Variants in CSNK1G3 observed in about 807,000 individuals in gnomAD.
CSNK1G3 encodes casein kinase I isoform gamma-3.
CSNK1G3 carries 23 observed loss-of-function variants against 64.3 expected under a neutral mutation model. That is an observed-to-expected ratio of 0.36 (90% confidence interval 0.26 to 0.51). CSNK1G3 has a LOEUF of 0.51. Ranked by LOEUF, CSNK1G3 falls within the 20% of genes least tolerant of loss-of-function variation. The pLI is 0.96. For missense variants in CSNK1G3, 357 were observed against 510.5 expected, an observed-to-expected ratio of 0.70 and a Z score of 2.90; for synonymous variants, 158 against 162.2, an observed-to-expected ratio of 0.97 and a Z score of 0.20.
intron 4 of CSNK1G3, among the ~76,000 whole-genome samples, chr5:123,572,476 A>C (rs574014849): frequency 1.3e-5 from 2 of 152,136 alleles, no homozygotes; most frequent in Admixed American, 6.5e-5. Flanking sequence ...TTATTATCTC[A>C]CAATTTCTAT....
At chr5:123,583,768 C>T (rs1790799236) in intron 6 of CSNK1G3, among the ~76,000 whole-genome samples, 2 of 152,132 alleles carry the variant, frequency 1.3e-5, no homozygotes, top group Non-Finnish European at 2.9e-5. Context: ...CATTGTCATC[C>T]TCCTAGGCTC....
At chr5:123,615,530 A>G (rs1359275899) in exon 13 of CSNK1G3, 1 of 152,456 alleles carries the variant, frequency 6.6e-6, no homozygotes, top group Non-Finnish European at 1.5e-5. Context: ...GATGATTGAA[A>G]AATATTTTGG....
chr5:123,526,847 T>G (rs927055401), intron 1 of CSNK1G3, among the ~76,000 whole-genome samples: 13 of 105,800 alleles, frequency 1.2e-4, no homozygotes, highest in African/African-American at 4.9e-4. Context: ...AGATTGTGTG[T>G]GTGTGTGTGT....
At chr5:123,544,412 C>T (rs186866767) in intron 1 of CSNK1G3, among the ~76,000 whole-genome samples, 1 of 152,152 alleles carries the variant, frequency 6.6e-6, no homozygotes, top group Non-Finnish European at 1.5e-5. Flanking sequence ...GAAAATTAAT[C>T]AGAAAATACT....
chr5:123,519,306 G>T (rs775879480), intron 1 of CSNK1G3, among the ~76,000 whole-genome samples: 1 of 152,188 alleles, frequency 6.6e-6, no homozygotes, highest in African/African-American at 2.4e-5. Flanking sequence ...TGCCTGCCTC[G>T]GTCTCCCAAA....
rs190002529 is a variant in CSNK1G3, at chr5:123,614,283, G to A, written c.1218-59G>A. On this transcript the variant is annotated intron_variant, in intron 12 of 12. Transcript: ENST00000345990. ...TGATCATTTAAGTTAAAGTGATACAGTCAACTTTGTGATATTTTAGTGCTT... is the reference window on the plus strand; with the variant it reads ...TGATCATTTAAGTTAAAGTGATACAATCAACTTTGTGATATTTTAGTGCTT... 5,379 of 1,528,632 alleles carry A rather than the reference G, an allele frequency of 3.5e-3. 12 individuals are homozygous for A. Among genetic ancestry groups the A allele is most frequent in the Non-Finnish European group, 4.0e-3 (4,434 of 1,115,772 alleles). 94.7% of individuals were successfully genotyped at this position (1,528,632 alleles called of 1,614,324 possible).
chr5:123,573,244 A>G (rs1035570232), intron 4 of CSNK1G3, 149 bp from the exon 5 acceptor site: 23 of 727,032 alleles, frequency 3.2e-5, no homozygotes, highest in Non-Finnish European at 5.2e-5. Context: ...GGAGGTTGGG[A>G]GGTTTGGTCA....
intron 2 of CSNK1G3, among the ~76,000 whole-genome samples, chr5:123,548,002 A>C (rs1933287992): frequency 1.3e-5 from 2 of 152,318 alleles, no homozygotes; most frequent in South Asian, 2.1e-4. Context: ...ACATTTGATT[A>C]CTGGTACTGA....
intron 1 of CSNK1G3, among the ~76,000 whole-genome samples, chr5:123,517,686 C>T (rs150549542): frequency 0.011 from 1,602 of 152,166 alleles, 30 homozygotes; most frequent in African/African-American, 0.036. Flanking sequence ...GAACTTTCTT[C>T]GATAGACCCA....
At chr5:123,593,780 T>TGGC (rs1792888942) in intron 10 of CSNK1G3, among the ~76,000 whole-genome samples, 1 of 152,088 alleles carries the variant, frequency 6.6e-6, no homozygotes, top group African/African-American at 2.4e-5. Context: ...TTTTGCATTG[T>TGGC]ACAATTTAGG....
At chr5:123,593,089 C>A (rs1792711732) in intron 10 of CSNK1G3, among the ~76,000 whole-genome samples, 1 of 151,700 alleles carries the variant, frequency 6.6e-6, no homozygotes, top group Admixed American at 6.6e-5. Context: ...TTTTAGTTTT[C>A]TACATCTTTC....
chr5:123,530,726 C>G (rs1779782887), intron 1 of CSNK1G3, among the ~76,000 whole-genome samples: 1 of 152,140 alleles, frequency 6.6e-6, no homozygotes, highest in Non-Finnish European at 1.5e-5. Context: ...AAAGATATCA[C>G]TGAAATCAAG....
At chr5:123,526,331 A>G (rs1030030727) in intron 1 of CSNK1G3, among the ~76,000 whole-genome samples, 2 of 152,292 alleles carry the variant, frequency 1.3e-5, no homozygotes, top group East Asian at 1.9e-4. Flanking sequence ...TTGGGATGAC[A>G]GGCATGAGCC....
chr5:123,601,836 A>C (rs1561614553), intron 10 of CSNK1G3, among the ~76,000 whole-genome samples: 1 of 152,156 alleles, frequency 6.6e-6, no homozygotes, highest in African/African-American at 2.4e-5. Context: ...TTGAGAAAAG[A>C]GCAGTGGAAA....
At chr5:123,560,851 GT>G (rs1443052539) in intron 4 of CSNK1G3, among the ~76,000 whole-genome samples, 1 of 152,144 alleles carries the variant, frequency 6.6e-6, no homozygotes, top group Non-Finnish European at 1.5e-5. Context: ...TTGGGTAAGA[GT>G]TTCAGTATGG....
chr5:123,547,743 A>C (rs1015420911), intron 2 of CSNK1G3, among the ~76,000 whole-genome samples: 1 of 152,016 alleles, frequency 6.6e-6, no homozygotes, highest in Non-Finnish European at 1.5e-5. Flanking sequence ...TATTATCTCT[A>C]TATATCTGTG....
At chr5:123,615,739 C>A (rs1051044212) in exon 13 of CSNK1G3, 10 of 152,160 alleles carry the variant, frequency 6.6e-5, no homozygotes, top group Non-Finnish European at 1.3e-4. Context: ...AAAACAAAGA[C>A]TGGCTAGAAA....
At chr5:123,517,961 T>C (rs1189741034) in intron 1 of CSNK1G3, among the ~76,000 whole-genome samples, 12 of 151,984 alleles carry the variant, frequency 7.9e-5, no homozygotes, top group Admixed American at 7.9e-4. Context: ...AAGATCCTGT[T>C]ATTCCCAGAG....
chr5:123,583,342 G>T (rs897165743), intron 6 of CSNK1G3, among the ~76,000 whole-genome samples: 8 of 94,974 alleles, frequency 8.4e-5, no homozygotes, highest in Admixed American at 6.1e-4. Flanking sequence ...CTTGTTCGTT[G>T]TGAGTATAGA....
Sources: allele counts gnomAD v4.1 joint callset (sites outside exome capture counted in the v4.1 genomes callset), GRCh38; gene constraint gnomAD v4.1.1; transcripts MANE v1.5; gene names NCBI Gene and HGNC (gene_info 2026-07-23, HGNC 2026-07-21).